Variants in UMAD1 observed in about 807,000 individuals in gnomAD.
UMAD1 encodes the protein UBAP1-MVB12-associated (UMA) domain containing 1.
In UMAD1, 8 loss-of-function variants were observed where a neutral mutation model predicts 6.1. That is an observed-to-expected ratio of 1.30 (90% CI 0.76 to 2.35). The LOEUF (loss-of-function observed/expected upper bound fraction) is 2.35. Ranked by LOEUF, UMAD1 falls within the 30% of genes most tolerant of loss-of-function variation. The probability of loss-of-function intolerance (pLI) is 0.00; values close to 1 mark genes in which losing one functional copy is unlikely to be tolerated. For synonymous variants in UMAD1, 56 were observed against 31.4 expected (o/e 1.78, Z -2.61); for missense variants, 130 against 78.4 (o/e 1.66, Z -2.49).
At chr7:7,706,633 T>C (rs569117546) in intron 2 of UMAD1, among the ~76,000 whole-genome samples, 1 of 152,288 alleles carries the variant, frequency 6.6e-6, no homozygotes, top group East Asian at 1.9e-4. Flanking sequence ...AGATAACTAA[T>C]AATAACTCAT....
chr7:7,694,300 G>A (rs947205308), intron 2 of UMAD1, among the ~76,000 whole-genome samples: 19 of 151,856 alleles, frequency 1.3e-4, no homozygotes, highest in African/African-American at 4.6e-4. Flanking sequence ...TTTGATACAG[G>A]CATACACATA....
chr7:7,751,355 A>C (rs1781674676), intron 2 of UMAD1, among the ~76,000 whole-genome samples: 1 of 152,238 alleles, frequency 6.6e-6, no homozygotes, highest in African/African-American at 2.4e-5. Context: ...AGAGAGAGAG[A>C]CTAGATGTGC....
At chr7:7,779,787 G>T (rs527597455) in intron 2 of UMAD1, among the ~76,000 whole-genome samples, 10 of 152,222 alleles carry the variant, frequency 6.6e-5, no homozygotes, top group African/African-American at 2.4e-4. Context: ...TGGGACTACA[G>T]GTGCACACCA....
intron 1 of UMAD1, among the ~76,000 whole-genome samples, chr7:7,643,693 C>T: frequency 6.7e-6 from 1 of 148,432 alleles, no homozygotes; most frequent in East Asian, 2.0e-4. Context: ...ACCTGGGCCA[C>T]AGAGCGAGAC....
chr7:7,659,489 A>C (rs770034319), intron 1 of UMAD1, among the ~76,000 whole-genome samples: 1 of 152,080 alleles, frequency 6.6e-6, no homozygotes, highest in African/African-American at 2.4e-5. Flanking sequence ...TGTCCCAGGG[A>C]TTCTGGTACC....
intron 3 of UMAD1, among the ~76,000 whole-genome samples, chr7:7,847,509 G>T (rs1419118400): frequency 6.6e-6 from 1 of 151,820 alleles, no homozygotes; most frequent in African/African-American, 2.4e-5. Context: ...CCCCTCCCCA[G>T]TGAGCGTTTC....
chr7:7,720,659 A>G (rs13247039), intron 2 of UMAD1, among the ~76,000 whole-genome samples: 15,735 of 152,214 alleles, frequency 0.1, 1,051 homozygotes, highest in African/African-American at 0.18. Flanking sequence ...TTCAATAGTG[A>G]TTTTGTAGAA....
At chr7:7,820,809 CATAGTTTATTACTTTGAAATATT>C (rs1392237732) in intron 3 of UMAD1, among the ~76,000 whole-genome samples, 1 of 151,976 alleles carries the variant, frequency 6.6e-6, no homozygotes, top group Non-Finnish European at 1.5e-5. Context: ...TTAGGAATTG[CATAGTTTATTACTTTGAAATATT>C]ATTTTATTCA....
intron 2 of UMAD1, among the ~76,000 whole-genome samples, chr7:7,746,513 C>T (rs1364793676): frequency 1.3e-5 from 2 of 152,214 alleles, no homozygotes; most frequent in African/African-American, 4.8e-5. Context: ...TCATTTCACA[C>T]ACGTTGCTTA....
intron 3 of UMAD1, among the ~76,000 whole-genome samples, chr7:7,845,840 G>A (rs1319217360): frequency 6.6e-6 from 1 of 151,922 alleles, no homozygotes; most frequent in African/African-American, 2.4e-5. Flanking sequence ...AATTTTTATT[G>A]GGTATCTTCC....
At chr7:7,860,663 T>A (rs1426427039) in intron 3 of UMAD1, among the ~76,000 whole-genome samples, 2 of 148,574 alleles carry the variant, frequency 1.3e-5, no homozygotes, top group African/African-American at 4.9e-5. Flanking sequence ...TAGTCCCAGT[T>A]ACTCGGGAGG....
chr7:7,752,893 C>G (rs1166367254), intron 2 of UMAD1, among the ~76,000 whole-genome samples: 1 of 151,842 alleles, frequency 6.6e-6, no homozygotes, highest in Non-Finnish European at 1.5e-5. Flanking sequence ...TATTCTTTTT[C>G]TTTAAAAGGT....
At chr7:7,813,335 G>A (rs1313896439) in intron 3 of UMAD1, among the ~76,000 whole-genome samples, 1 of 152,098 alleles carries the variant, frequency 6.6e-6, no homozygotes, top group East Asian at 1.9e-4. Context: ...CTCCCAAGTA[G>A]CTGGGACTAC....
chr7:7,861,473 G>C (rs1784114234), intron 3 of UMAD1, among the ~76,000 whole-genome samples: 1 of 152,208 alleles, frequency 6.6e-6, no homozygotes, highest in African/African-American at 2.4e-5. Context: ...AAGTGACACA[G>C]CTTTCTGCTC....
intron 2 of UMAD1, among the ~76,000 whole-genome samples, chr7:7,770,823 G>A (rs543445921): frequency 6.6e-6 from 1 of 152,290 alleles, no homozygotes; most frequent in African/African-American, 2.4e-5. Context: ...GTGTTGAGGT[G>A]AACTGCTCTT....
intron 2 of UMAD1, among the ~76,000 whole-genome samples, chr7:7,763,493 T>G (rs1781930517): frequency 6.6e-6 from 1 of 152,208 alleles, no homozygotes; most frequent in Admixed American, 6.5e-5. Flanking sequence ...TAGCTCTCAT[T>G]TATAAATGAG....
intron 2 of UMAD1, chr7:7,772,427 A>G (rs1583813911): frequency 6.6e-6 from 1 of 152,210 alleles, no homozygotes. Context: ...AGGTAGGCGG[A>G]TGGCATTTCT....
At chr7:7,700,784 A>C (rs1307474202) in intron 2 of UMAD1, among the ~76,000 whole-genome samples, 1 of 152,156 alleles carries the variant, frequency 6.6e-6, no homozygotes, top group Non-Finnish European at 1.5e-5. Flanking sequence ...GCTACTCGGG[A>C]GGCTGAGGCA....
rs1554333921 is a variant in UMAD1 at position 7,835,500 on chromosome 7, T to TA, written c.156+33758dup. On this transcript the variant is annotated intron_variant, in intron 3 of 3. Coordinates refer to ENST00000682710, the MANE Select transcript of UMAD1 (RefSeq NM_001302348.2). ...TTTTTTTTTTTTTTTTTTTTTTTTTTAGCTCTTAGCAATATATAGAAGTGA... is the reference window on the plus strand; with the variant it reads ...TTTTTTTTTTTTTTTTTTTTTTTTTTAAGCTCTTAGCAATATATAGAAGTGA... 5.6e-4 allele frequency among the ~76,000 whole-genome samples: 57 copies of TA among 102,494 alleles called. 1 individual carries two copies. The highest frequency in any genetic ancestry group is 1.3e-3 in the South Asian group (4 of 3,076). The allele number at this position is 102,494 out of a possible 152,430, so 67.2% of individuals were successfully genotyped here. A position where few individuals can be genotyped will look rare whatever the true frequency, so the allele number is the denominator to read the frequency against.
Sources: gnomAD v4.1 joint callset for allele counts (sites outside exome capture counted in the v4.1 genomes callset) on GRCh38, gnomAD v4.1.1 for gene constraint, MANE v1.5 for transcripts, NCBI Gene and HGNC (gene_info 2026-07-23, HGNC 2026-07-21) for gene names.